Variants in PRH1 observed in about 807,000 individuals in gnomAD.
PRH1 encodes the protein proline rich protein HaeIII subfamily 1.
Under a neutral mutation model 7.9 loss-of-function variants are expected in PRH1, and 7 were observed. That is an observed-to-expected ratio of 0.89 (90% CI 0.50 to 1.67). The LOEUF (loss-of-function observed/expected upper bound fraction) is 1.67, where lower values mean the gene tolerates loss of function less well. Ranked by LOEUF, PRH1 falls within the 40% of genes most tolerant of loss-of-function variation. PRH1 has a pLI of 0.00. For missense variants in PRH1, 109 were observed against 223.6 expected, an observed-to-expected ratio of 0.49 and a Z score of 3.27; for synonymous variants, 45 against 80.8, an observed-to-expected ratio of 0.56 and a Z score of 2.38.
intron 1 of PRH1, among the ~76,000 whole-genome samples, chr12:11,140,755 C>T (rs1946680170): frequency 1.3e-5 from 2 of 152,064 alleles, no homozygotes; most frequent in Admixed American, 1.3e-4. Flanking sequence ...TTTCACCTCT[C>T]CATAATTTGT....
At chr12:10,972,573 A>G (rs564493753) in intron 2 of PRH1, among the ~76,000 whole-genome samples, 6 of 152,348 alleles carry the variant, frequency 3.9e-5, no homozygotes, top group African/African-American at 1.4e-4. Context: ...GCAAGCATGC[A>G]AATGAAGACA....
At chr12:11,040,672 C>T (rs922424435) in intron 1 of PRH1, among the ~76,000 whole-genome samples, 5 of 152,048 alleles carry the variant, frequency 3.3e-5, no homozygotes, top group Admixed American at 2.6e-4. Flanking sequence ...AACAACCCTG[C>T]GTGTTCTGCA....
At chr12:11,141,224 G>C (rs1946693593) in intron 1 of PRH1, among the ~76,000 whole-genome samples, 1 of 152,026 alleles carries the variant, frequency 6.6e-6, no homozygotes, top group Admixed American at 6.6e-5. Flanking sequence ...TCATGCTTAG[G>C]CCTTTCACTA....
intron 1 of PRH1, among the ~76,000 whole-genome samples, chr12:11,030,193 T>C (rs79439764): frequency 0.015 from 2,307 of 151,290 alleles, 15 homozygotes; most frequent in South Asian, 0.03. Context: ...GAGCATGTTA[T>C]TGTCAATGTT....
At chr12:11,062,261 G>A (rs764919382) in intron 1 of PRH1, 36 of 1,612,030 alleles carry the variant, frequency 2.2e-5, no homozygotes, top group Non-Finnish European at 1.7e-6. Context: ...ACCACTATTA[G>A]AATGGAAAAA....
chr12:10,904,041 A>G lies in PRH1; in HGVS notation c.-58-19766T>C, dbSNP rs530906796. Among the ~76,000 whole-genome samples, 6 of 151,830 alleles carry G rather than the reference A, an allele frequency of 4.0e-5. No individual in the cohort carries two copies. The South Asian group carries it at 1.3e-3, about 32-fold the overall frequency. ...TCATAGATGACACAAACAAATGGAA[A>G]AGTATTCCATGCTCATGGATAGGAA... On this transcript the variant is annotated intron_variant, in intron 2 of 3. Coordinates refer to the PRH1 transcript ENST00000539853.
At chr12:11,123,822 T>C (rs1414773446) in intron 1 of PRH1, among the ~76,000 whole-genome samples, 1 of 152,206 alleles carries the variant, frequency 6.6e-6, no homozygotes, top group Non-Finnish European at 1.5e-5. Context: ...ATTCTCAATA[T>C]TGATAATTCA....
At chr12:11,062,812 C>G (rs966025853) in intron 1 of PRH1, among the ~76,000 whole-genome samples, 3 of 152,016 alleles carry the variant, frequency 2.0e-5, no homozygotes, top group African/African-American at 7.2e-5. Flanking sequence ...TTTTAAATGA[C>G]AGATTTAAAT....
chr12:11,146,116 T>C (rs1050839990), intron 1 of PRH1, among the ~76,000 whole-genome samples: 6 of 152,104 alleles, frequency 3.9e-5, no homozygotes, highest in Admixed American at 2.6e-4. Flanking sequence ...GTGAAAGAGA[T>C]TTTTCATGTT....
intron 1 of PRH1, among the ~76,000 whole-genome samples, chr12:11,036,869 A>G (rs1263361357): frequency 6.6e-6 from 1 of 152,214 alleles, no homozygotes; most frequent in East Asian, 1.9e-4. Flanking sequence ...GGTGAAAGGG[A>G]GAATGCTATT....
upstream of PRH1, among the ~76,000 whole-genome samples, chr12:10,887,862 C>G (rs1949516402): frequency 6.6e-6 from 1 of 152,114 alleles, no homozygotes; most frequent in Non-Finnish European, 1.5e-5. Flanking sequence ...GAAAATATAG[C>G]AAATTGTTCA....
At position 11,106,550 on chromosome 12, in the gene PRH1, A is replaced by C. The variant is rs78484670; in HGVS notation, n.124-59362T>G. 5.8e-3 allele frequency among the ~76,000 whole-genome samples: 879 copies of C among 152,310 alleles called. 5 individuals carry two copies. The highest frequency in any genetic ancestry group is 0.017 in the Middle Eastern group (5 of 294). On this transcript the variant is annotated intron_variant and non_coding_transcript_variant, in intron 1 of 4. Transcript: ENST00000541977. ...TTGTGTAACTATTGTGGGCTACTTAAAAAACACGTTTTCCATTGAAGAGTC... is the reference window on the plus strand; with the variant it reads ...TTGTGTAACTATTGTGGGCTACTTACAAAACACGTTTTCCATTGAAGAGTC...
intron 2 of PRH1, among the ~76,000 whole-genome samples, chr12:10,892,550 T>C (rs1949590262): frequency 1.3e-5 from 2 of 152,150 alleles, no homozygotes; most frequent in South Asian, 4.1e-4. Flanking sequence ...GTATGTCATT[T>C]TATGATTCAA....
At chr12:10,897,765 C>T (rs1949669010) in intron 2 of PRH1, among the ~76,000 whole-genome samples, 1 of 152,204 alleles carries the variant, frequency 6.6e-6, no homozygotes, top group Non-Finnish European at 1.5e-5. Context: ...AACTCACTCA[C>T]TCACTATTGC....
intron 2 of PRH1, among the ~76,000 whole-genome samples, chr12:10,921,898 C>T (rs958416660): frequency 1.3e-5 from 2 of 152,112 alleles, no homozygotes; most frequent in South Asian, 4.2e-4. Flanking sequence ...TCCCTAGTAG[C>T]TGGGACTACA....
chr12:11,168,206 AAAGAAAGAAGAAAGAAAGAAAG>A (rs1947644068), intron 1 of PRH1, among the ~76,000 whole-genome samples: 9 of 39,778 alleles, frequency 2.3e-4, no homozygotes, highest in Non-Finnish European at 4.6e-4. Context: ...AAAACGAAAG[AAAGAAAGAAGAAAGAAAGAAAG>A]AAAGAAAGAA....
intron 1 of PRH1, among the ~76,000 whole-genome samples, chr12:11,014,550 T>C (rs929035647): frequency 3.9e-5 from 6 of 152,056 alleles, no homozygotes; most frequent in African/African-American, 9.7e-5. Context: ...GAGCAAGCCT[T>C]TTCACTTCAA....
intron 1 of PRH1, among the ~76,000 whole-genome samples, chr12:11,150,659 G>T (rs563212901): frequency 5.5e-4 from 83 of 152,166 alleles, no homozygotes; most frequent in Non-Finnish European, 1.1e-3. Flanking sequence ...ATCACATTCT[G>T]GGGACAGTTG....
rs77580816 is a variant in PRH1 at position 10,986,262 on chromosome 12, C to G, written c.-125-12541G>C. The G allele has an allele frequency of 7.4e-4, 1,191 of 1,614,060 alleles. 11 individuals carry two copies. The East Asian group carries it at 0.021, about 28-fold the overall frequency. ...CTTCTTGAGATGTTTACACAGAGAA[C>G]AGATTAGCATCAGAAAAGATATCAG... On this transcript the variant is annotated intron_variant, in intron 1 of 3. Transcript: ENST00000539853.
Sources: allele counts gnomAD v4.1 joint callset (sites outside exome capture counted in the v4.1 genomes callset), GRCh38; gene constraint gnomAD v4.1.1; transcripts MANE v1.5; gene names NCBI Gene and HGNC (gene_info 2026-07-23, HGNC 2026-07-21).